Variants in MAPT observed in about 807,000 individuals in gnomAD.
The protein encoded by MAPT is microtubule associated protein tau, also known as microtubule-associated protein tau.
MAPT carries 34 observed loss-of-function variants against 67.9 expected under a neutral mutation model. That is an observed-to-expected ratio of 0.50 (90% CI 0.38 to 0.67). The LOEUF (loss-of-function observed/expected upper bound fraction) is 0.67. MAPT is among the 30% of genes least tolerant of loss of function. The probability of loss-of-function intolerance (pLI) is 0.00; values close to 1 mark genes in which losing one functional copy is unlikely to be tolerated. For missense variants in MAPT, 881 were observed against 1,115.2 expected, an observed-to-expected ratio of 0.79 and a Z score of 2.99; for synonymous variants, 456 against 464.5, an observed-to-expected ratio of 0.98 and a Z score of 0.23.
At chr17:45,982,090 G>A (rs1248228441) in intron 4 of MAPT, among the ~76,000 whole-genome samples, 25 of 151,238 alleles carry the variant, frequency 1.7e-4, no homozygotes, top group Middle Eastern at 3.4e-3. Flanking sequence ...TTTGGGGACC[G>A]GGGTGGGCAG....
intron 1 of MAPT, among the ~76,000 whole-genome samples, chr17:45,944,504 C>G (rs992490149): frequency 6.6e-6 from 1 of 152,188 alleles, no homozygotes; most frequent in Non-Finnish European, 1.5e-5. Flanking sequence ...GTGGCATCGC[C>G]ACATCGTGAG....
At position 46,007,488 on chromosome 17, in the gene MAPT, A is replaced by T. The variant is rs542351804; in HGVS notation, c.1999-2822A>T. 3.3e-5 allele frequency among the ~76,000 whole-genome samples: 5 copies of T among 152,270 alleles called. No individual in the cohort carries two copies. The East Asian group carries it at 9.6e-4, about 29-fold the overall frequency. The stretch of plus-strand genomic sequence containing the variant: ...GGTGACAGAGTGAGAGCTTGTCTCT[A>T]TTTTAAAAATAATAAAAAGAATAAA... On this transcript the variant is annotated intron_variant, in intron 9 of 12. Coordinates refer to ENST00000262410, the MANE Select transcript of MAPT (RefSeq NM_001377265.1).
intron 1 of MAPT, among the ~76,000 whole-genome samples, chr17:45,944,055 C>T (rs982892945): frequency 6.6e-6 from 1 of 152,222 alleles, no homozygotes; most frequent in African/African-American, 2.4e-5. Flanking sequence ...TCTCCTTCTC[C>T]ACTCACACGT....
At chr17:45,993,180 T>C (rs2074212803) in intron 8 of MAPT, among the ~76,000 whole-genome samples, 3 of 152,224 alleles carry the variant, frequency 2.0e-5, no homozygotes, top group African/African-American at 7.2e-5. Context: ...ACCTGCTGCG[T>C]GTCTTTGCGG....
chr17:45,982,846 T>C lies in MAPT; in HGVS notation c.287-20T>C. ...ATGCGCCCTTGCTAACCTTTTGCTA[T>C]CGCTGCCTCTTCAAACCAGAGGAGT... is the stretch of plus-strand genomic sequence containing the variant. On this transcript the variant is annotated intron_variant, in intron 4 of 12. Transcript: ENST00000262410. 1 of 1,260,204 alleles carries C rather than the reference T, an allele frequency of 7.9e-7. No individual in the cohort carries two copies. The highest frequency in any genetic ancestry group is 1.0e-6 in the Non-Finnish European group (1 of 998,686). The allele number at this position is 1,260,204 out of a possible 1,614,324, so 78.1% of individuals were successfully genotyped here.
At chr17:45,922,012 C>T (rs911541404) in intron 1 of MAPT, among the ~76,000 whole-genome samples, 4 of 151,656 alleles carry the variant, frequency 2.6e-5, no homozygotes, top group South Asian at 2.1e-4. Flanking sequence ...TTCTGTAACT[C>T]GGTGAGTTTG....
chr17:45,941,709 T>TCCTTCCTG lies in MAPT; in HGVS notation c.-17-20605_-17-20604insGCCTTCCT, dbSNP rs1555690472. Among the ~76,000 whole-genome samples the TCCTTCCTG allele has an allele frequency of 3.8e-4, 41 of 107,276 alleles. 1 individual carries two copies. The highest frequency in any genetic ancestry group is 5.6e-4 in the Non-Finnish European group (31 of 54,884). The allele number at this position is 107,276 out of a possible 152,430, so 70.4% of individuals were successfully genotyped here. A position where few individuals can be genotyped will look rare whatever the true frequency, so the allele number is the denominator to read the frequency against. On this transcript the variant is annotated intron_variant, in intron 1 of 12. Coordinates refer to ENST00000262410, the MANE Select transcript of MAPT (RefSeq NM_001377265.1). Reference sequence around the variant, plus strand: ...TTCCTTCCTTCCTTCCTGCCTGCCTTCCTTCCTTCCTTCCTTCCTTCCTTC... The same window carrying TCCTTCCTG: ...TTCCTTCCTTCCTTCCTGCCTGCCTTCCTTCCTGCCTTCCTTCCTTCCTTCCTTCCTTC...
intron 9 of MAPT, among the ~76,000 whole-genome samples, chr17:46,005,113 A>G (rs530407799): frequency 6.6e-6 from 1 of 152,374 alleles, no homozygotes; most frequent in African/African-American, 2.4e-5. Context: ...TATGTGGCAG[A>G]TACTGAATTA....
At chr17:45,935,651 C>T (rs111657647) in intron 1 of MAPT, among the ~76,000 whole-genome samples, 16 of 152,256 alleles carry the variant, frequency 1.1e-4, no homozygotes, top group Admixed American at 2.0e-4. Context: ...CTCTCTGATC[C>T]GGGCTCTTCC....
At chr17:45,990,540 C>T (rs1324129635) in intron 7 of MAPT, 1 of 441,564 alleles carries the variant, frequency 2.3e-6, no homozygotes, top group Non-Finnish European at 4.5e-6. Flanking sequence ...TGCTTGAACC[C>T]CAGAGGCAGA....
chr17:45,974,717 T>G (rs2072134926), intron 3 of MAPT: 6 of 541,382 alleles, frequency 1.1e-5, no homozygotes, highest in South Asian at 1.0e-4. Context: ...GCTCCTCATC[T>G]TGCCTCAGTC....
rs1217692638 is a variant in MAPT at position 45,996,720 on chromosome 17, G to A, written c.1998+56G>A. On this transcript the variant is annotated intron_variant, in intron 9 of 12. Transcript: ENST00000262410. This position sits in a 1 kb window ranked among gnomAD's most constrained non-coding sequence, Gnocchi z 4.5. ...GGGGGGCTGCGCCTGGAGGGGTAGG[G>A]CTGTGCCTGGAAGGGTAGGGCTGCG... is the stretch of plus-strand genomic sequence containing the variant. The A allele has an allele frequency of 2.5e-6, 4 of 1,599,594 alleles. No homozygotes were observed. Among genetic ancestry groups the A allele is most frequent in the East Asian group, 2.2e-5 (1 of 44,560 alleles).
intron 1 of MAPT, among the ~76,000 whole-genome samples, chr17:45,933,094 CAAA>C (rs796738187): frequency 7.2e-6 from 1 of 138,648 alleles, no homozygotes; most frequent in African/African-American, 2.6e-5. Flanking sequence ...AACAAACAAA[CAAA>C]AAAAAAAACC....
At position 46,010,112 on chromosome 17, in the gene MAPT, C is replaced by T. The variant is rs890563083; in HGVS notation, c.1999-198C>T. 2.0e-5 allele frequency among the ~76,000 whole-genome samples: 3 copies of T among 152,212 alleles called. No homozygotes were observed. Among genetic ancestry groups the T allele is most frequent in the Non-Finnish European group, 2.9e-5 (2 of 68,044 alleles). On this transcript the variant is annotated intron_variant, in intron 9 of 12. Coordinates refer to ENST00000262410, the MANE Select transcript of MAPT (RefSeq NM_001377265.1). The surrounding 1 kb of genome is among the most constrained non-coding windows in gnomAD (Gnocchi z 4.7). ...CCTTCAGAGCAGCCCTCTATCCCTT[C>T]AGCTCCCCTGGGATGTGACTCAACC...
At chr17:45,999,562 T>A in intron 9 of MAPT, 8 of 1,612,968 alleles carry the variant, frequency 5.0e-6, no homozygotes, top group Non-Finnish European at 6.8e-6. Flanking sequence ...AAGACAACTT[T>A]CCATTGAAGG....
rs535787612 is a variant in MAPT, at chr17:45,937,252, C to T, written c.-17-25069C>T. Among the ~76,000 whole-genome samples, 28 of 152,278 alleles carry T rather than the reference C, an allele frequency of 1.8e-4. No individual in the cohort carries two copies. In the South Asian group the frequency reaches 5.8e-3, roughly 32 times the overall value. The stretch of plus-strand genomic sequence containing the variant: ...TCACCTCTGCCCTGGTCTCCATCCC[C>T]ACTTTCTCTAGGAAGCTAGTAGGTG... On this transcript the variant is annotated intron_variant, in intron 1 of 12. Transcript: ENST00000262410.
chr17:45,904,340 A>G (rs1457889828), intron 1 of MAPT, among the ~76,000 whole-genome samples: 1 of 80,878 alleles, frequency 1.2e-5, no homozygotes, highest in Non-Finnish European at 2.3e-5. Context: ...TATATATTAT[A>G]TATATATTAT....
chr17:45,924,689 T>TTA (rs2066105298), intron 1 of MAPT, among the ~76,000 whole-genome samples: 2 of 152,326 alleles, frequency 1.3e-5, no homozygotes, highest in Admixed American at 1.3e-4. Context: ...TCCTGCCCAC[T>TTA]TGGAATAGTG....
At position 46,010,237 on chromosome 17, in the gene MAPT, TG is replaced by T; in HGVS notation, c.1999-71del. On this transcript the variant is annotated intron_variant, in intron 9 of 12. Transcript: ENST00000262410. The surrounding 1 kb of genome is among the most constrained non-coding windows in gnomAD (Gnocchi z 4.7). Reference sequence around the variant, plus strand: ...GGTGGCGCATGTCACTCATCGAAAGTGGAGGCGTCCTTGCGAGCAAGCAGGC... The same window carrying T: ...GGTGGCGCATGTCACTCATCGAAAGTGAGGCGTCCTTGCGAGCAAGCAGGC... The T allele has an allele frequency of 1.0e-6, 1 of 1,003,232 alleles. No individual in the cohort carries two copies. The highest frequency in any genetic ancestry group is 1.5e-6 in the Non-Finnish European group (1 of 647,828). 62.1% of individuals were successfully genotyped at this position (1,003,232 alleles called of 1,614,324 possible).
Sources: gnomAD v4.1 joint callset for allele counts (sites outside exome capture counted in the v4.1 genomes callset) on GRCh38, gnomAD v4.1.1 for gene constraint, Gnocchi (gnomAD v3.1) non-coding constraint, MANE v1.5 for transcripts, NCBI Gene and HGNC (gene_info 2026-07-23, HGNC 2026-07-21) for gene names.